Variants in SMYD4 observed in about 807,000 individuals in gnomAD.
SMYD4 encodes protein-lysine N-methyltransferase SMYD4.
In SMYD4, 68 loss-of-function variants were observed where a neutral mutation model predicts 72.8. The ratio of observed to expected loss-of-function variants is 0.93; its 90% CI spans 0.77 to 1.14. SMYD4 has a LOEUF of 1.14. Among genes scored for constraint, SMYD4 ranks in the 50% most tolerant of loss-of-function variants. The pLI, the probability that SMYD4 is intolerant of heterozygous loss-of-function variation, is 0.00. For synonymous variants in SMYD4, 407 were observed against 388.6 expected (o/e 1.05, Z -0.56); for missense variants, 984 against 1,003.7 (o/e 0.98, Z 0.27).
At chr17:1,804,517 G>A (rs1909936099) in intron 4 of SMYD4, 109 bp downstream of exon 4, 1 of 970,804 alleles carries the variant, frequency 1.0e-6, no homozygotes. Context: ...ACCAATAGCA[G>A]CATGACATGA....
intron 5 of SMYD4, among the ~76,000 whole-genome samples, chr17:1,792,539 C>T (rs957402817): frequency 6.6e-6 from 1 of 152,036 alleles, no homozygotes; most frequent in Non-Finnish European, 1.5e-5. Context: ...TACTTGGGTG[C>T]CTGAGGAGGG....
chr17:1,820,746 C>T (rs1183623254), intron 2 of SMYD4, among the ~76,000 whole-genome samples: 1 of 151,950 alleles, frequency 6.6e-6, no homozygotes, highest in Non-Finnish European at 1.5e-5. Flanking sequence ...AGTGGGAGGT[C>T]GTGTGTCTCA....
chr17:1,793,022 G>A (rs987418785), intron 5 of SMYD4, among the ~76,000 whole-genome samples: 6 of 152,092 alleles, frequency 3.9e-5, no homozygotes, highest in Non-Finnish European at 8.8e-5. Context: ...GGCCCGAGCC[G>A]CTGTCCCACC....
intron 4 of SMYD4, among the ~76,000 whole-genome samples, chr17:1,802,418 C>T (rs1172656914): frequency 1.3e-5 from 2 of 151,890 alleles, no homozygotes; most frequent in Non-Finnish European, 2.9e-5. Flanking sequence ...TGCTTGAGCC[C>T]AGGAGTTTGA....
In SMYD4 at chr17:1,819,661, T is replaced by A. The variant is rs1262106289; in HGVS notation, c.135-7546A>T. ...CACACTAGGGGTTACAAAATGGCGA[T>A]TTTTCTAATTCTACCATTATTTCTA... On this transcript the variant is annotated intron_variant, in intron 2 of 10. Coordinates refer to ENST00000305513, the MANE Select transcript of SMYD4 (RefSeq NM_052928.3). Among the ~76,000 whole-genome samples, 3 of 152,246 alleles carry A rather than the reference T, an allele frequency of 2.0e-5. No homozygotes were observed. The East Asian group carries it at 5.8e-4, about 29-fold the overall frequency.
chr17:1,793,762 CATG>C, intron 5 of SMYD4, among the ~76,000 whole-genome samples: 1 of 151,506 alleles, frequency 6.6e-6, no homozygotes, highest in African/African-American at 2.4e-5. Context: ...CCAGTCTCAT[CATG>C]TCCATGATGA....
chr17:1,806,673 T>C (rs1423374976), intron 3 of SMYD4, among the ~76,000 whole-genome samples: 1 of 152,128 alleles, frequency 6.6e-6, no homozygotes, highest in Non-Finnish European at 1.5e-5. Context: ...GGTCAAGAAG[T>C]GGGATGATGG....
At position 1,800,728 on chromosome 17, in the gene SMYD4, C is replaced by A. The variant is rs746552068; in HGVS notation, c.666G>T (p.Arg222Ser). 1.1e-5 allele frequency: 17 copies of A among 1,614,092 alleles called. No homozygotes were observed. The African/African-American group carries it at 2.0e-4, about 19-fold the overall frequency. Residue 222 changes from arginine to serine, a missense_variant, in exon 5 of 11, where the codon AGG becomes AGT. Coordinates refer to ENST00000305513, the MANE Select transcript of SMYD4 (RefSeq NM_052928.3). Reference protein sequence around the residue: ...LAKTLEDAALREENEQLSNAS... With the variant: ...LAKTLEDAALSEENEQLSNAS... ...CATTGGAAAGTTGTTCATTCTCCTC[C>A]CTCAGCGCTGCATCCTCAAGGGTTT...
At chr17:1,807,383 G>A (rs2151241388) in intron 3 of SMYD4, among the ~76,000 whole-genome samples, 1 of 151,356 alleles carries the variant, frequency 6.6e-6, no homozygotes, top group East Asian at 1.9e-4. Flanking sequence ...GGAGTGAAGT[G>A]GCGTGTTCTT....
At chr17:1,793,207 G>A (rs1909156527) in intron 5 of SMYD4, among the ~76,000 whole-genome samples, 1 of 152,088 alleles carries the variant, frequency 6.6e-6, no homozygotes, top group African/African-American at 2.4e-5. Flanking sequence ...GTGAGCCACT[G>A]TGCCTGGCCG....
rs1454228796 is a variant in SMYD4 at position 1,794,081 on chromosome 17, G to GTGTA, written c.1537+5775_1537+5776insTACA. 6.7e-3 allele frequency among the ~76,000 whole-genome samples: 115 copies of GTGTA among 17,120 alleles called. 10 individuals are homozygous for GTGTA. The highest frequency in any genetic ancestry group is 0.025 in the African/African-American group (103 of 4,064). 11.2% of individuals were successfully genotyped at this position (17,120 alleles called of 152,430 possible). ...TGTATATATATGTGTATATATATGTGTATATATATATATATATATATATAT... is the reference window on the plus strand; with the variant it reads ...TGTATATATATGTGTATATATATGTGTGTATATATATATATATATATATATATAT... On this transcript the variant is annotated intron_variant, in intron 5 of 10. Coordinates refer to ENST00000305513, the MANE Select transcript of SMYD4 (RefSeq NM_052928.3).
Position 1,800,691 on chromosome 17 carries a change from T to C in SMYD4, c.703A>G (p.Ile235Val). The C allele has an allele frequency of 6.2e-7, 1 of 1,614,214 alleles. No individual in the cohort carries two copies. The highest frequency in any genetic ancestry group is 8.5e-7 in the Non-Finnish European group (1 of 1,180,034). ...NEQLSNASSS[I>V]GLCVDPLKGR... Reference sequence around the variant, plus strand: ...TTTAAAGGATCTACGCATAAGCCGATGGATGATGAGGCATTGGAAAGTTGT... The same window carrying C: ...TTTAAAGGATCTACGCATAAGCCGACGGATGATGAGGCATTGGAAAGTTGT... The change falls in exon 5 of 11, where the codon ATC (isoleucine) becomes GTC (valine). Residue 235 changes from isoleucine (I) to valine (V), a missense_variant. Transcript: ENST00000305513.
chr17:1,791,116 C>CA (rs56079708), intron 5 of SMYD4, among the ~76,000 whole-genome samples: 12,528 of 85,990 alleles, frequency 0.15, 1,283 homozygotes, highest in African/African-American at 0.19. Context: ...TGGCCCGTCT[C>CA]AAAAAAAAAA....
chr17:1,803,364 A>T (rs1012144654), intron 4 of SMYD4, among the ~76,000 whole-genome samples: 49 of 152,250 alleles, frequency 3.2e-4, no homozygotes, highest in African/African-American at 1.2e-3. Context: ...TATTTAAAGC[A>T]GCAAACAGTA....
intron 3 of SMYD4, among the ~76,000 whole-genome samples, chr17:1,807,422 C>CT (rs1287165269): frequency 6.6e-6 from 1 of 151,890 alleles, no homozygotes; most frequent in South Asian, 2.1e-4. Context: ...CGTACCGCCC[C>CT]CCCCGGCCCC....
chr17:1,816,396 G>A (rs1271532777), intron 2 of SMYD4, among the ~76,000 whole-genome samples: 1 of 151,772 alleles, frequency 6.6e-6, no homozygotes, highest in African/African-American at 2.4e-5. Context: ...GAGGCGGGTG[G>A]ATCACGAGGT....
chr17:1,808,643 A>C (rs941581802), intron 3 of SMYD4, among the ~76,000 whole-genome samples: 4 of 152,220 alleles, frequency 2.6e-5, no homozygotes, highest in African/African-American at 9.6e-5. Context: ...TGGCTTCATG[A>C]AATAGGAAGG....
At chr17:1,797,353 C>T (rs1909458195) in intron 5 of SMYD4, among the ~76,000 whole-genome samples, 1 of 152,184 alleles carries the variant, frequency 6.6e-6, no homozygotes, top group African/African-American at 2.4e-5. Flanking sequence ...AAATGAAGAT[C>T]ATAAAATAGA....
At chr17:1,829,070 T>C (rs933263834) in intron 1 of SMYD4, among the ~76,000 whole-genome samples, 1 of 152,168 alleles carries the variant, frequency 6.6e-6, no homozygotes, top group Non-Finnish European at 1.5e-5. Context: ...GTCCATGCCA[T>C]TGGCACCACT....
Sources: allele counts gnomAD v4.1 joint callset (sites outside exome capture counted in the v4.1 genomes callset), GRCh38; gene constraint gnomAD v4.1.1; transcripts MANE v1.5; gene names NCBI Gene and HGNC (gene_info 2026-07-23, HGNC 2026-07-21).